BACH2: variants seen among roughly 807,000 people sequenced by gnomAD.
The protein encoded by BACH2 is BACH transcriptional regulator 2.
Under a neutral mutation model 61.8 loss-of-function variants are expected in BACH2, and 5 were observed. The ratio of observed to expected loss-of-function variants is 0.08; its 90% CI spans 0.04 to 0.17. The LOEUF (loss-of-function observed/expected upper bound fraction) is 0.17. Among genes scored for constraint, BACH2 ranks in the 10% least tolerant of loss-of-function variants. The pLI is 1.00. For missense variants in BACH2, 824 were observed against 1,091.1 expected, an observed-to-expected ratio of 0.76 and a Z score of 3.45; for synonymous variants, 446 against 440.1, an observed-to-expected ratio of 1.01 and a Z score of -0.17.
intron 4 of BACH2, among the ~76,000 whole-genome samples, chr6:90,106,559 T>G (rs1782925447): frequency 6.6e-6 from 1 of 152,180 alleles, no homozygotes; most frequent in Non-Finnish European, 1.5e-5. Context: ...TTAGGTACAC[T>G]CTATGATGTT....
intron 6 of BACH2, among the ~76,000 whole-genome samples, chr6:89,966,420 C>T (rs958114155): frequency 6.6e-6 from 1 of 152,218 alleles, no homozygotes; most frequent in Non-Finnish European, 1.5e-5. Context: ...ATTTAAACAG[C>T]AGCCATTAAC....
intron 5 of BACH2, among the ~76,000 whole-genome samples, chr6:90,020,281 T>C (rs1333975076): frequency 6.6e-6 from 1 of 152,160 alleles, no homozygotes; most frequent in Non-Finnish European, 1.5e-5. Flanking sequence ...TTGTCCCCTA[T>C]GAAAATCATG....
At chr6:90,288,942 G>C (rs1772102977) in intron 1 of BACH2, among the ~76,000 whole-genome samples, 1 of 152,170 alleles carries the variant, frequency 6.6e-6, no homozygotes, top group African/African-American at 2.4e-5. Context: ...AAACCCTGGA[G>C]ACAGAGCCAT....
chr6:90,277,684 C>T (rs1771738102), intron 1 of BACH2, among the ~76,000 whole-genome samples: 1 of 152,148 alleles, frequency 6.6e-6, no homozygotes, highest in Admixed American at 6.5e-5. Flanking sequence ...TCTTAAGAAA[C>T]AGACTTACAG....
At chr6:89,959,097 GCA>G (rs60175244) in intron 6 of BACH2, among the ~76,000 whole-genome samples, 9,094 of 134,010 alleles carry the variant, frequency 0.068, 293 homozygotes, top group Middle Eastern at 0.093. Flanking sequence ...ATGCACAAGT[GCA>G]CACACACACA....
intron 5 of BACH2, among the ~76,000 whole-genome samples, chr6:90,054,389 C>A (rs1780212789): frequency 6.6e-6 from 1 of 152,214 alleles, no homozygotes; most frequent in South Asian, 2.1e-4. Context: ...AGTCTGAGAT[C>A]AAACTGCAAG....
chr6:90,168,844 C>T (rs1767717497), intron 4 of BACH2, among the ~76,000 whole-genome samples: 1 of 152,194 alleles, frequency 6.6e-6, no homozygotes, highest in Admixed American at 6.5e-5. Context: ...ACACCACTAC[C>T]TTATTTCCTG....
intron 1 of BACH2, among the ~76,000 whole-genome samples, chr6:90,295,308 G>A (rs541181613): frequency 1.3e-5 from 2 of 152,180 alleles, no homozygotes; most frequent in East Asian, 1.9e-4. Context: ...GAGTGCTGGG[G>A]ATGCCCCATG....
chr6:90,100,716 CACACACACACAG>C (rs1464695793), intron 4 of BACH2, among the ~76,000 whole-genome samples: 3 of 144,466 alleles, frequency 2.1e-5, no homozygotes, highest in Non-Finnish European at 4.5e-5. Context: ...CACACACACA[CACACACACACAG>C]ACACACACAC....
At chr6:90,206,353 C>G (rs1769144429) in intron 4 of BACH2, among the ~76,000 whole-genome samples, 1 of 152,086 alleles carries the variant, frequency 6.6e-6, no homozygotes, top group Non-Finnish European at 1.5e-5. Context: ...CTCAGAGGCC[C>G]CTGGCAAGTA....
In BACH2 at chr6:89,931,232, G is replaced by A. The variant is rs1772626717; in HGVS notation, c.*1176C>T. 6.6e-6 allele frequency: 1 copy of A among 152,294 alleles called. No individual in the cohort carries two copies. The highest frequency in any genetic ancestry group is 1.5e-5 in the Non-Finnish European group (1 of 68,020). The allele number at this position is 152,294 out of a possible 1,614,324, so 9.4% of individuals were successfully genotyped here. A position where few individuals can be genotyped will look rare whatever the true frequency, so the allele number is the denominator to read the frequency against. On this transcript the variant is annotated 3_prime_UTR_variant, in exon 9 of 9. Coordinates refer to ENST00000257749, the MANE Select transcript of BACH2 (RefSeq NM_021813.4). ...TTTCTGATGTACTTTTGAGTGAGAT[G>A]TCCAAACTCTCTCCCCACTTAGGAA...
In BACH2 at chr6:89,950,977, T is replaced by A; in HGVS notation, c.1129A>T (p.Thr377Ser). 4.4e-6 allele frequency: 7 copies of A among 1,576,364 alleles called. No individual in the cohort carries two copies. The highest frequency in any genetic ancestry group is 6.0e-6 in the Non-Finnish European group (7 of 1,161,958). The change falls in exon 7 of 9, where the codon ACT becomes TCT. Residue 377 changes from threonine (T) to serine (S), a missense_variant. Physicochemically the swap from Thr to Ser is moderately conservative, Grantham distance 58. Transcript: ENST00000257749. The surrounding 1 kb of genome is among the most constrained non-coding windows in gnomAD (Gnocchi z 5.3). The stretch of plus-strand genomic sequence containing the variant: ...TAGTCAGTTTTAAGGTCACCCTGAG[T>A]GATCCCCTTGTCAAAAGGGCAGGCT... ...SPACPFDKGI[T>S]QGDLKTDYTP...
chr6:90,054,346 C>T (rs149440563), intron 5 of BACH2, among the ~76,000 whole-genome samples: 73 of 152,332 alleles, frequency 4.8e-4, no homozygotes, highest in African/African-American at 1.7e-3. Flanking sequence ...GAGGGTCCTA[C>T]GCCCATGGAG....
At chr6:90,240,099 A>G (rs200235833) in intron 3 of BACH2, among the ~76,000 whole-genome samples, 1 of 152,210 alleles carries the variant, frequency 6.6e-6, no homozygotes, top group East Asian at 1.9e-4. Flanking sequence ...AAAAAAATTC[A>G]TCTTACAAGT....
At chr6:90,278,143 A>G (rs1771751690) in intron 1 of BACH2, among the ~76,000 whole-genome samples, 2 of 152,202 alleles carry the variant, frequency 1.3e-5, no homozygotes, top group African/African-American at 4.8e-5. Context: ...ATAGGAGACG[A>G]TGTCAAATAT....
intron 2 of BACH2, 126 bp from the exon 3 acceptor site, chr6:90,252,716 C>T (rs990643962): frequency 6.6e-6 from 1 of 152,112 alleles, no homozygotes; most frequent in African/African-American, 2.4e-5. Context: ...CCAGGGATGC[C>T]AGAAACAGGA....
At chr6:90,030,150 G>T (rs1778885573) in intron 5 of BACH2, among the ~76,000 whole-genome samples, 1 of 152,148 alleles carries the variant, frequency 6.6e-6, no homozygotes, top group Non-Finnish European at 1.5e-5. Context: ...CTAAGAGATG[G>T]CTCTGATCCC....
intron 4 of BACH2, among the ~76,000 whole-genome samples, chr6:90,161,152 A>G (rs1336211968): frequency 2.6e-5 from 4 of 152,060 alleles, no homozygotes; most frequent in East Asian, 3.8e-4. Flanking sequence ...CCCTTTTACA[A>G]TGGGACAGAT....
At chr6:90,132,406 A>G (rs1393533268) in intron 4 of BACH2, among the ~76,000 whole-genome samples, 1 of 151,926 alleles carries the variant, frequency 6.6e-6, no homozygotes, top group African/African-American at 2.4e-5. Context: ...CCACCTTCCT[A>G]TGTCTACCAA....
Sources: gnomAD v4.1 joint callset for allele counts (sites outside exome capture counted in the v4.1 genomes callset) on GRCh38, gnomAD v4.1.1 for gene constraint, Gnocchi (gnomAD v3.1) non-coding constraint, MANE v1.5 for transcripts, NCBI Gene and HGNC (gene_info 2026-07-23, HGNC 2026-07-21) for gene names.